Variants in LUZP2 observed in about 807,000 individuals in gnomAD.
The protein encoded by LUZP2 is leucine zipper protein 2.
Under a neutral mutation model 51.6 loss-of-function variants are expected in LUZP2, and 52 were observed. The ratio of observed to expected loss-of-function variants is 1.01; its 90% CI spans 0.81 to 1.27. The LOEUF (loss-of-function observed/expected upper bound fraction) is 1.27, where lower values mean the gene tolerates loss of function less well. Among genes scored for constraint, LUZP2 ranks in the 50% most tolerant of loss-of-function variants. The pLI is 0.00. For missense variants in LUZP2, 436 were observed against 395.4 expected (o/e 1.10, Z -0.87); for synonymous variants, 154 against 137.3 (o/e 1.12, Z -0.85).
At chr11:24,607,019 C>T (rs188978550) in intron 1 of LUZP2, among the ~76,000 whole-genome samples, 9 of 151,826 alleles carry the variant, frequency 5.9e-5, no homozygotes, top group South Asian at 2.1e-4. Flanking sequence ...CTGAATTGTA[C>T]GACTTCCTTA....
chr11:24,526,672 T>C (rs922299919), intron 1 of LUZP2, among the ~76,000 whole-genome samples: 1 of 151,402 alleles, frequency 6.6e-6, no homozygotes, highest in African/African-American at 2.4e-5. Flanking sequence ...TACTATAATA[T>C]ATTAAATGCT....
chr11:24,912,653 C>CA (rs1235814544), intron 6 of LUZP2, among the ~76,000 whole-genome samples: 6 of 151,828 alleles, frequency 4.0e-5, no homozygotes, highest in Non-Finnish European at 8.8e-5. Flanking sequence ...TACTAAAATA[C>CA]AAAAAAATTA....
At chr11:24,579,638 T>C (rs1035378806) in intron 1 of LUZP2, among the ~76,000 whole-genome samples, 2 of 152,100 alleles carry the variant, frequency 1.3e-5, no homozygotes, top group Non-Finnish European at 2.9e-5. Flanking sequence ...TCATATGAAT[T>C]GTAGTTCTTA....
chr11:24,990,546 C>T (rs903939634), intron 9 of LUZP2, among the ~76,000 whole-genome samples: 5 of 151,856 alleles, frequency 3.3e-5, no homozygotes, highest in African/African-American at 9.7e-5. Context: ...AAGGTAAATG[C>T]AGAGATGAAG....
chr11:24,912,882 A>G (rs1050356851), intron 6 of LUZP2, among the ~76,000 whole-genome samples: 1 of 152,152 alleles, frequency 6.6e-6, no homozygotes, highest in African/African-American at 2.4e-5. Flanking sequence ...TGGAAAACAT[A>G]TACATGCATT....
chr11:24,645,798 A>G (rs1425288174), intron 1 of LUZP2, among the ~76,000 whole-genome samples: 1 of 152,064 alleles, frequency 6.6e-6, no homozygotes, highest in Non-Finnish European at 1.5e-5. Flanking sequence ...GTAGACAGCT[A>G]CAAAAAGTAA....
rs529541346 is a variant in LUZP2, at chr11:24,764,715, C to T, written c.396+1407C>T. On this transcript the variant is annotated intron_variant, in intron 5 of 11. Coordinates refer to ENST00000336930, the MANE Select transcript of LUZP2 (RefSeq NM_001009909.4). ...AATTAGAACAACAACAAAAACCTAC[C>T]AGGCTGGCTCATGCCTGTAATCCCA... 2.0e-5 allele frequency among the ~76,000 whole-genome samples: 3 copies of T among 151,776 alleles called. No homozygotes were observed. In the South Asian group the frequency reaches 6.3e-4, roughly 32 times the overall value.
intron 5 of LUZP2, chr11:24,893,133 A>G (rs1852909858): frequency 6.6e-6 from 1 of 152,192 alleles, no homozygotes. Context: ...TCACAGAGAC[A>G]ATGGATTGCC....
At chr11:24,794,478 A>T (rs1849496656) in intron 5 of LUZP2, among the ~76,000 whole-genome samples, 1 of 152,186 alleles carries the variant, frequency 6.6e-6, no homozygotes. Context: ...GAATCAAGAG[A>T]TATAGCAAAC....
chr11:24,790,210 C>G (rs116296316), intron 5 of LUZP2, among the ~76,000 whole-genome samples: 1 of 152,058 alleles, frequency 6.6e-6, no homozygotes, highest in Admixed American at 6.6e-5. Flanking sequence ...TTCCTTTTTA[C>G]AGTAAAATGC....
intron 7 of LUZP2, among the ~76,000 whole-genome samples, chr11:24,941,048 G>C (rs1204588468): frequency 6.6e-6 from 1 of 152,160 alleles, no homozygotes; most frequent in Non-Finnish European, 1.5e-5. Context: ...AAATAGGATT[G>C]AGATTTACTG....
chr11:24,900,955 G>A (rs1853261073), intron 5 of LUZP2, among the ~76,000 whole-genome samples: 1 of 152,038 alleles, frequency 6.6e-6, no homozygotes, highest in Non-Finnish European at 1.5e-5. Context: ...AATTATACCT[G>A]ATCACCTTTC....
chr11:24,599,040 G>A (rs1479514215), intron 1 of LUZP2, among the ~76,000 whole-genome samples: 2 of 152,058 alleles, frequency 1.3e-5, no homozygotes, highest in Non-Finnish European at 2.9e-5. Context: ...AGATAACAGA[G>A]GGCAAAATTT....
chr11:24,510,028 C>T (rs1407821625), intron 1 of LUZP2, among the ~76,000 whole-genome samples: 3 of 152,142 alleles, frequency 2.0e-5, no homozygotes, highest in African/African-American at 7.2e-5. Context: ...TAACTCCTCA[C>T]AACATCTTAT....
At chr11:24,752,460 A>G (rs1391694013) in intron 4 of LUZP2, among the ~76,000 whole-genome samples, 2 of 152,220 alleles carry the variant, frequency 1.3e-5, no homozygotes, top group African/African-American at 4.8e-5. Flanking sequence ...ACTGTACTCA[A>G]AAACAGAATA....
intron 5 of LUZP2, among the ~76,000 whole-genome samples, chr11:24,888,863 G>A (rs143661172): frequency 6.6e-6 from 1 of 152,120 alleles, no homozygotes; most frequent in African/African-American, 2.4e-5. Flanking sequence ...CACTTCACTC[G>A]GCACCGCTCC....
intron 6 of LUZP2, among the ~76,000 whole-genome samples, chr11:24,913,158 GTCT>G (rs1233686495): frequency 6.6e-6 from 1 of 152,096 alleles, no homozygotes; most frequent in Non-Finnish European, 1.5e-5. Context: ...CCTCCAAAAT[GTCT>G]TCTTGCTATA....
At chr11:24,910,905 C>T (rs1853612012) in intron 6 of LUZP2, among the ~76,000 whole-genome samples, 1 of 152,082 alleles carries the variant, frequency 6.6e-6, no homozygotes, top group South Asian at 2.1e-4. Context: ...TCAATGCTAG[C>T]CCATGAAAGC....
At chr11:25,058,826 G>A (rs1858757342) in intron 10 of LUZP2, among the ~76,000 whole-genome samples, 1 of 152,062 alleles carries the variant, frequency 6.6e-6, no homozygotes, top group African/African-American at 2.4e-5. Context: ...TCAATCTTTT[G>A]ACTTCTTGCT....
Sources: allele counts gnomAD v4.1 joint callset (sites outside exome capture counted in the v4.1 genomes callset), GRCh38; gene constraint gnomAD v4.1.1; transcripts MANE v1.5; gene names NCBI Gene and HGNC (gene_info 2026-07-23, HGNC 2026-07-21).